PPARD: variants seen among roughly 807,000 people sequenced by gnomAD.
PPARD encodes the protein peroxisome proliferator activated receptor delta, also known as peroxisome proliferator-activated receptor delta.
In PPARD, 6 loss-of-function variants were observed where a neutral mutation model predicts 39.5. That is an observed-to-expected ratio of 0.15 (90% confidence interval 0.08 to 0.30). The LOEUF (loss-of-function observed/expected upper bound fraction) is 0.30, where lower values mean the gene tolerates loss of function less well. Among genes scored for constraint, PPARD ranks in the 10% least tolerant of loss-of-function variants. The pLI, the probability that PPARD is intolerant of heterozygous loss-of-function variation, is 1.00. For missense variants in PPARD, 397 were observed against 596.8 expected, an observed-to-expected ratio of 0.67 and a Z score of 3.49; for synonymous variants, 210 against 231.3, an observed-to-expected ratio of 0.91 and a Z score of 0.83.
At chr6:35,406,920 C>T (rs1581642804) in intron 2 of PPARD, among the ~76,000 whole-genome samples, 1 of 152,186 alleles carries the variant, frequency 6.6e-6, no homozygotes, top group Non-Finnish European at 1.5e-5. Context: ...TTTTCTGCTT[C>T]GTCCTCTAGC....
intron 5 of PPARD, among the ~76,000 whole-genome samples, chr6:35,422,798 C>A (rs747545206): frequency 1.3e-5 from 2 of 152,134 alleles, no homozygotes; most frequent in South Asian, 4.2e-4. Flanking sequence ...CAGGAGAAGT[C>A]GAATTCGTAT....
intron 3 of PPARD, among the ~76,000 whole-genome samples, chr6:35,417,259 C>G (rs903065635): frequency 6.6e-6 from 1 of 152,024 alleles, no homozygotes; most frequent in Non-Finnish European, 1.5e-5. Flanking sequence ...CCGCCTCAGC[C>G]TCCCAAAGTG....
intron 2 of PPARD, among the ~76,000 whole-genome samples, chr6:35,386,974 G>A (rs1429088986): frequency 6.7e-6 from 1 of 150,144 alleles, no homozygotes; most frequent in African/African-American, 2.4e-5. Context: ...CAGGAGGTGG[G>A]GGAAACCTGC....
rs146127226 is a variant in PPARD, at chr6:35,424,396, T to C, written c.695T>C (p.Val232Ala). ...AEKGLVWKQL[V>A]NGLPPYKEIS... ...AAGGGGCTGGTGTGGAAGCAGTTGG[T>C]GAATGGCCTGCCTCCCTACAAGGAG... The change falls in exon 7 of 8, where the codon GTG becomes GCG. Residue 232 changes from valine to alanine, a missense_variant. Coordinates refer to ENST00000360694, the MANE Select transcript of PPARD (RefSeq NM_006238.5). This position sits in a 1 kb window ranked among gnomAD's most constrained non-coding sequence, Gnocchi z 7.1. 1 of 1,613,870 alleles carries C rather than the reference T, an allele frequency of 6.2e-7. No individual in the cohort carries two copies. Among genetic ancestry groups the C allele is most frequent in the Non-Finnish European group, 8.5e-7 (1 of 1,179,898 alleles).
At chr6:35,346,001 T>C (rs976935046) in intron 1 of PPARD, among the ~76,000 whole-genome samples, 1 of 150,210 alleles carries the variant, frequency 6.7e-6, no homozygotes, top group African/African-American at 2.5e-5. Context: ...CTCAGCCTCC[T>C]GAGTAGCTGG....
intron 2 of PPARD, among the ~76,000 whole-genome samples, chr6:35,402,214 C>T (rs969943907): frequency 1.3e-5 from 2 of 152,230 alleles, no homozygotes; most frequent in Non-Finnish European, 2.9e-5. Flanking sequence ...CAGCTCCACC[C>T]CTCAGAGAAA....
intron 2 of PPARD, among the ~76,000 whole-genome samples, chr6:35,349,778 G>C (rs1368326834): frequency 6.6e-6 from 1 of 150,866 alleles, no homozygotes; most frequent in Non-Finnish European, 1.5e-5. Context: ...TCTTGCTCTT[G>C]TCACCCAGGC....
chr6:35,369,000 C>G (rs1762344830), intron 2 of PPARD, among the ~76,000 whole-genome samples: 1 of 152,174 alleles, frequency 6.6e-6, no homozygotes, highest in Admixed American at 6.6e-5. Context: ...TAGGTTAGCA[C>G]AGCAGTTGGA....
chr6:35,408,526 G>C (rs1488990351), intron 2 of PPARD, among the ~76,000 whole-genome samples: 1 of 152,182 alleles, frequency 6.6e-6, no homozygotes. Context: ...GGGGCGAGTG[G>C]TCAGGGACTG....
chr6:35,393,296 TC>T (rs958954378), intron 2 of PPARD, among the ~76,000 whole-genome samples: 4 of 152,168 alleles, frequency 2.6e-5, no homozygotes, highest in Admixed American at 6.5e-5. Context: ...ATAGACAGAC[TC>T]CCGGTCATCA....
At chr6:35,348,515 T>G in intron 2 of PPARD, 1 of 985,416 alleles carries the variant, frequency 1.0e-6, no homozygotes, top group Non-Finnish European at 1.2e-6. Context: ...GCTGGGTTGT[T>G]GTGGGTCCCT....
chr6:35,405,043 T>G (rs1008876592), intron 2 of PPARD, among the ~76,000 whole-genome samples: 7 of 152,046 alleles, frequency 4.6e-5, no homozygotes, highest in African/African-American at 1.2e-4. Flanking sequence ...TCCAGGGGTT[T>G]GTTTTGCAAG....
intron 2 of PPARD, among the ~76,000 whole-genome samples, chr6:35,348,154 C>T (rs755245942): frequency 6.6e-6 from 1 of 152,006 alleles, no homozygotes; most frequent in African/African-American, 2.4e-5. Flanking sequence ...ATGATCTACC[C>T]GCCTCAGCCT....
intron 2 of PPARD, among the ~76,000 whole-genome samples, chr6:35,395,298 C>T (rs74933468): frequency 0.024 from 3,654 of 152,260 alleles, 86 homozygotes; most frequent in African/African-American, 0.06. Context: ...CCTCAAAGAG[C>T]TCTAATGACA....
rs1477121734 is a variant in PPARD at position 35,363,306 on chromosome 6, G to C, written c.-102+16156G>C. ...GCTTAAAAGCAGGCTGATTTCCATA[G>C]GCTGTGCGTTCCTGTGGGCCTGCCT... On this transcript the variant is annotated intron_variant, in intron 2 of 7. Transcript: ENST00000360694. The surrounding 1 kb of genome is among the most constrained non-coding windows in gnomAD (Gnocchi z 4.5). Among the ~76,000 whole-genome samples the C allele has an allele frequency of 6.6e-6, 1 of 152,162 alleles. No individual in the cohort carries two copies. The highest frequency in any genetic ancestry group is 1.5e-5 in the Non-Finnish European group (1 of 68,042).
chr6:35,385,801 C>T (rs989021908), intron 2 of PPARD, among the ~76,000 whole-genome samples: 9 of 152,028 alleles, frequency 5.9e-5, no homozygotes, highest in African/African-American at 1.7e-4. Context: ...AGAGAGGCCC[C>T]GGACAGTGGT....
chr6:35,402,655 ACTCCT>A (rs1764780303), intron 2 of PPARD, among the ~76,000 whole-genome samples: 1 of 151,590 alleles, frequency 6.6e-6, no homozygotes, highest in Non-Finnish European at 1.5e-5. Flanking sequence ...GCCCCAGGCC[ACTCCT>A]GGGGATTGGC....
rs574752339 is a variant in PPARD at position 35,427,988 on chromosome 6, C to G, written c.*1909C>G. 5.9e-5 allele frequency: 9 copies of G among 152,818 alleles called. No homozygotes were observed. Among genetic ancestry groups the G allele is most frequent in the Admixed American group, 3.3e-4 (5 of 15,312 alleles). The allele number at this position is 152,818 out of a possible 1,614,324, so 9.5% of individuals were successfully genotyped here. A position where few individuals can be genotyped will look rare whatever the true frequency, so the allele number is the denominator to read the frequency against. On this transcript the variant is annotated 3_prime_UTR_variant, in exon 8 of 8. Coordinates refer to ENST00000360694, the MANE Select transcript of PPARD (RefSeq NM_006238.5). ...GACAGCTGCTGGGACCCACCTCCCCCTCCCCGGCCACATGCCGCGTCCCTG... is the reference window on the plus strand; with the variant it reads ...GACAGCTGCTGGGACCCACCTCCCCGTCCCCGGCCACATGCCGCGTCCCTG...
intron 2 of PPARD, among the ~76,000 whole-genome samples, chr6:35,389,085 G>A (rs1763851094): frequency 6.6e-6 from 1 of 152,170 alleles, no homozygotes; most frequent in African/African-American, 2.4e-5. Context: ...GGCTGAGGTG[G>A]GAGGATAGCT....
Sources: gnomAD v4.1 joint callset for allele counts (sites outside exome capture counted in the v4.1 genomes callset) on GRCh38, gnomAD v4.1.1 for gene constraint, Gnocchi (gnomAD v3.1) non-coding constraint, MANE v1.5 for transcripts, NCBI Gene and HGNC (gene_info 2026-07-23, HGNC 2026-07-21) for gene names.